Variants in PTPRN2 observed in about 807,000 individuals in gnomAD.
The protein encoded by PTPRN2 is receptor-type tyrosine-protein phosphatase N2.
A neutral mutation model predicts 118.8 loss-of-function variants in PTPRN2; 74 were observed. The observed-to-expected ratio is 0.62, with a 90% CI of 0.52 to 0.76. The LOEUF (loss-of-function observed/expected upper bound fraction) is 0.76, where lower values mean the gene tolerates loss of function less well. Ranked by LOEUF, PTPRN2 falls within the 30% of genes least tolerant of loss-of-function variation. PTPRN2 has a pLI of 0.00. For missense variants in PTPRN2, 1,481 were observed against 1,394.4 expected (o/e 1.06, Z -0.99); for synonymous variants, 641 against 608.0 (o/e 1.05, Z -0.80).
At chr7:157,771,120 A>C (rs1638750) in intron 12 of PTPRN2, among the ~76,000 whole-genome samples, 14,989 of 152,284 alleles carry the variant, frequency 0.098, 1,383 homozygotes, top group East Asian at 0.22. Context: ...TGGAGGCTCC[A>C]CATGCAGAGG....
At chr7:158,458,580 C>T (rs1818714528) in intron 2 of PTPRN2, among the ~76,000 whole-genome samples, 1 of 152,168 alleles carries the variant, frequency 6.6e-6, no homozygotes, top group African/African-American at 2.4e-5. Flanking sequence ...CGCCGGAGCC[C>T]TGACACCAGC....
chr7:158,479,281 C>T (rs1229950989), intron 2 of PTPRN2, among the ~76,000 whole-genome samples: 1 of 152,022 alleles, frequency 6.6e-6, no homozygotes, highest in Non-Finnish European at 1.5e-5. Context: ...GCGCTCAATA[C>T]AAAACAGCCT....
At chr7:157,775,212 T>A (rs1326002256) in intron 12 of PTPRN2, among the ~76,000 whole-genome samples, 1 of 152,238 alleles carries the variant, frequency 6.6e-6, no homozygotes, top group African/African-American at 2.4e-5. Context: ...ACGCCGTGTG[T>A]GGCAACCACT....
chr7:157,640,712 A>G (rs1430020016), intron 14 of PTPRN2, among the ~76,000 whole-genome samples: 3 of 152,234 alleles, frequency 2.0e-5, no homozygotes, highest in African/African-American at 7.2e-5. Flanking sequence ...AGGAACCACC[A>G]TCCGACCAGC....
chr7:158,312,741 GCA>G (rs1801950329), intron 3 of PTPRN2, among the ~76,000 whole-genome samples: 2 of 133,226 alleles, frequency 1.5e-5, no homozygotes, highest in Non-Finnish European at 3.2e-5. Context: ...ACACACACCT[GCA>G]CACTCATTCA....
At chr7:158,374,910 T>C (rs1810382161) in intron 2 of PTPRN2, among the ~76,000 whole-genome samples, 1 of 152,162 alleles carries the variant, frequency 6.6e-6, no homozygotes, top group Non-Finnish European at 1.5e-5. Context: ...ATACTTCAAG[T>C]CTACAGATTT....
intron 2 of PTPRN2, among the ~76,000 whole-genome samples, chr7:158,457,379 T>C (rs114577809): frequency 0.025 from 3,821 of 152,160 alleles, 139 homozygotes; most frequent in African/African-American, 0.076. Context: ...AGCGGGCAGG[T>C]GTCTACCCTG....
intron 12 of PTPRN2, among the ~76,000 whole-genome samples, chr7:157,873,406 C>T (rs1366680916): frequency 2.0e-5 from 3 of 152,230 alleles, no homozygotes; most frequent in East Asian, 1.9e-4. Flanking sequence ...GGCTTTGCTC[C>T]GACGTGTGCC....
At chr7:158,471,155 A>G (rs913053846) in intron 2 of PTPRN2, among the ~76,000 whole-genome samples, 1 of 152,212 alleles carries the variant, frequency 6.6e-6, no homozygotes, top group Non-Finnish European at 1.5e-5. Context: ...GAAGCTGAGC[A>G]AAGCTTCCTC....
intron 11 of PTPRN2, among the ~76,000 whole-genome samples, chr7:157,932,731 C>A (rs956532270): frequency 6.7e-6 from 1 of 149,056 alleles, no homozygotes; most frequent in Admixed American, 6.7e-5. Flanking sequence ...GGGTGAGTCA[C>A]TCGGACAGTT....
rs534199073 is a variant in PTPRN2, at chr7:157,874,758, C to T, written c.1788+23915G>A. ...ACACTCATGCACATACACAGACACA[C>T]ACTCATGCACACACACACGAACACA... On this transcript the variant is annotated intron_variant, in intron 12 of 22. Transcript: ENST00000389418. The surrounding 1 kb of genome is among the most constrained non-coding windows in gnomAD (Gnocchi z 5.8). 1.3e-4 allele frequency among the ~76,000 whole-genome samples: 19 copies of T among 148,650 alleles called. No homozygotes were observed. The South Asian group carries it at 4.1e-3, about 32-fold the overall frequency.
chr7:158,190,244 C>T (rs1408231180), intron 5 of PTPRN2, among the ~76,000 whole-genome samples: 1 of 152,134 alleles, frequency 6.6e-6, no homozygotes, highest in Admixed American at 6.5e-5. Context: ...CTCCCCCTGG[C>T]CCCAGAGCAG....
chr7:157,866,149 T>C (rs1810651566), intron 12 of PTPRN2: 2 of 152,104 alleles, frequency 1.3e-5, no homozygotes, highest in South Asian at 4.1e-4. Context: ...ACCACTTGAG[T>C]GAGGCCCGGG....
intron 3 of PTPRN2, among the ~76,000 whole-genome samples, chr7:158,236,127 A>C (rs139190585): frequency 5.9e-5 from 9 of 152,270 alleles, no homozygotes; most frequent in Admixed American, 3.3e-4. Context: ...GATCCCAGGC[A>C]CCATCACCAT....
chr7:158,298,753 T>C (rs1479376251), intron 3 of PTPRN2, among the ~76,000 whole-genome samples: 1 of 152,122 alleles, frequency 6.6e-6, no homozygotes, highest in African/African-American at 2.4e-5. Context: ...CAATGTCACC[T>C]CCAAGCACCT....
At chr7:157,548,814 G>T (rs1164149537) in intron 22 of PTPRN2, 132 bp downstream of exon 22, 8 of 924,376 alleles carry the variant, frequency 8.7e-6, no homozygotes, top group African/African-American at 3.3e-5. Context: ...CGGCATGGAC[G>T]AGGCCGGTCA....
At chr7:158,487,181 T>G (rs1480760308) in intron 2 of PTPRN2, among the ~76,000 whole-genome samples, 1 of 152,228 alleles carries the variant, frequency 6.6e-6, no homozygotes, top group African/African-American at 2.4e-5. Context: ...CGCCCATCAG[T>G]GGACACTGGG....
At chr7:157,637,661 C>A (rs953321202) in intron 14 of PTPRN2, among the ~76,000 whole-genome samples, 21 of 152,168 alleles carry the variant, frequency 1.4e-4, no homozygotes, top group African/African-American at 4.8e-4. Context: ...TTTGCTGGCA[C>A]CCGACCCAGG....
rs1387703495 is a variant in PTPRN2, at chr7:157,596,861, T to C, written c.2419-1546A>G. 6.6e-6 allele frequency among the ~76,000 whole-genome samples: 1 copy of C among 152,244 alleles called. No homozygotes were observed. The highest frequency in any genetic ancestry group is 1.9e-4 in the East Asian group (1 of 5,204). ...AATGTTCAGATTTCAAGGTAATTAT[T>C]AAGAAAACATTTCTCAACACAGTGA... On this transcript the variant is annotated intron_variant, in intron 16 of 22. Transcript: ENST00000389418. The surrounding 1 kb of genome is among the most constrained non-coding windows in gnomAD (Gnocchi z 4.2).
Sources: allele counts gnomAD v4.1 joint callset (sites outside exome capture counted in the v4.1 genomes callset), GRCh38; gene constraint gnomAD v4.1.1; non-coding constraint Gnocchi (gnomAD v3.1); transcripts MANE v1.5; gene names NCBI Gene and HGNC (gene_info 2026-07-23, HGNC 2026-07-21).